ARHGEF10: variants seen among roughly 807,000 people sequenced by gnomAD.
ARHGEF10 encodes the protein Rho guanine nucleotide exchange factor 10, also known as Rho guanine nucleotide exchange factor (GEF) 10.
Under a neutral mutation model 147.4 loss-of-function variants are expected in ARHGEF10, and 140 were observed. The ratio of observed to expected loss-of-function variants is 0.95; its 90% CI spans 0.83 to 1.09. ARHGEF10 has a LOEUF of 1.09. Ranked by LOEUF, ARHGEF10 falls within the 50% of genes least tolerant of loss-of-function variation. ARHGEF10 has a pLI of 0.00. For synonymous variants in ARHGEF10, 902 were observed against 695.8 expected, an observed-to-expected ratio of 1.30 and a Z score of -4.67; for missense variants, 2,222 against 1,752.7, an observed-to-expected ratio of 1.27 and a Z score of -4.78.
At chr8:1,880,231 C>T (rs563429763) in intron 9 of ARHGEF10, 67 bp downstream of exon 9, 51 of 1,111,294 alleles carry the variant, frequency 4.6e-5, no homozygotes, top group East Asian at 7.1e-5. Context: ...CCGCGCGGCT[C>T]GGTCGGTCCT....
chr8:1,823,679 T>A (rs938458765), upstream of ARHGEF10, among the ~76,000 whole-genome samples: 2 of 149,344 alleles, frequency 1.3e-5, no homozygotes, highest in African/African-American at 5.0e-5. Flanking sequence ...CGGCCCGGGG[T>A]CCGCGGGGCA....
Position 1,928,581 on chromosome 8 carries a change from C to A in ARHGEF10, c.2852C>A (p.Pro951Gln). ...AAGCGCAGAGAGCCTGGGGCACCCCCGGACCCCGAGACCCCGGCCGTGAGA... is the reference window on the plus strand; with the variant it reads ...AAGCGCAGAGAGCCTGGGGCACCCCAGGACCCCGAGACCCCGGCCGTGAGA... ...EEKRREPGAP[P>Q]DPETPAVRAS... is the part of the protein sequence containing the mutation. Residue 951 changes from proline (P) to glutamine (Q), a missense_variant, in exon 24 of 29, where the codon CCG becomes CAG. By Grantham distance (76) the Pro-to-Gln change is moderately conservative. Coordinates refer to ENST00000349830, the MANE Select transcript of ARHGEF10 (RefSeq NM_014629.4). The A allele has an allele frequency of 6.2e-7, 1 of 1,614,228 alleles. No individual in the cohort carries two copies. The highest frequency in any genetic ancestry group is 1.1e-5 in the South Asian group (1 of 91,090).
chr8:1,895,504 C>A (rs959335895), intron 13 of ARHGEF10, among the ~76,000 whole-genome samples: 1 of 152,130 alleles, frequency 6.6e-6, no homozygotes, highest in Non-Finnish European at 1.5e-5. Context: ...AAGATATTTG[C>A]ATAATACCGT....
chr8:1,939,689 G>A (rs897776431), intron 26 of ARHGEF10, among the ~76,000 whole-genome samples: 2 of 152,354 alleles, frequency 1.3e-5, no homozygotes, highest in East Asian at 3.9e-4. Flanking sequence ...CCACCTCAGA[G>A]AGGGAGAGAT....
intron 19 of ARHGEF10, 45 bp downstream of exon 19, chr8:1,923,124 A>G (rs1812424939): frequency 7.4e-7 from 1 of 1,345,870 alleles, no homozygotes; most frequent in Admixed American, 1.7e-5. Flanking sequence ...CTTTACTTAT[A>G]AGTCATTGTA....
chr8:1,944,544 A>T (rs1381586649), intron 26 of ARHGEF10, among the ~76,000 whole-genome samples: 1 of 152,204 alleles, frequency 6.6e-6, no homozygotes, highest in East Asian at 1.9e-4. Context: ...AGTCTCCACC[A>T]TGGGGGCTGT....
At chr8:1,845,421 C>T (rs748416427) in intron 2 of ARHGEF10, among the ~76,000 whole-genome samples, 1 of 152,212 alleles carries the variant, frequency 6.6e-6, no homozygotes, top group Non-Finnish European at 1.5e-5. Context: ...CTCCTTCCCA[C>T]ACACATGTAA....
At chr8:1,859,031 C>T (rs969832516) in intron 3 of ARHGEF10, among the ~76,000 whole-genome samples, 12 of 150,940 alleles carry the variant, frequency 8.0e-5, no homozygotes, top group South Asian at 2.1e-4. Context: ...GTTGTTTGCC[C>T]GGTGTTTCTT....
At chr8:1,848,151 C>T (rs1367107771) in intron 2 of ARHGEF10, among the ~76,000 whole-genome samples, 5 of 152,346 alleles carry the variant, frequency 3.3e-5, no homozygotes, top group South Asian at 2.1e-4. Flanking sequence ...GTGTTCTATG[C>T]GTCTTCTTTT....
chr8:1,930,033 C>T (rs533493409), intron 25 of ARHGEF10, among the ~76,000 whole-genome samples: 4 of 152,310 alleles, frequency 2.6e-5, no homozygotes, highest in African/African-American at 9.6e-5. Flanking sequence ...TTTGCAGGCT[C>T]TTCCTGTGGA....
rs1046726401 is a variant in ARHGEF10, at chr8:1,882,534, A to G, written c.961-101A>G. ...AACTGCACGTGACACATGCGCTCAC[A>G]AGAACCAGACTACTTGACAGTATTC... On this transcript the variant is annotated intron_variant, in intron 9 of 28. Coordinates refer to ENST00000349830, the MANE Select transcript of ARHGEF10 (RefSeq NM_014629.4). 3.9e-6 allele frequency: 4 copies of G among 1,028,850 alleles called. No individual in the cohort carries two copies. In the African/African-American group the frequency reaches 6.3e-5, roughly 16 times the overall value. The allele number at this position is 1,028,850 out of a possible 1,614,324, so 63.7% of individuals were successfully genotyped here. A position where few individuals can be genotyped will look rare whatever the true frequency, so the allele number is the denominator to read the frequency against.
At chr8:1,903,567 A>G in intron 16 of ARHGEF10, 116 bp downstream of exon 16, 1 of 1,391,818 alleles carries the variant, frequency 7.2e-7, no homozygotes, top group Non-Finnish European at 9.9e-7. Flanking sequence ...CCCTTCGCCC[A>G]GAGTTCTTAA....
chr8:1,865,764 T>C (rs1806549621), intron 5 of ARHGEF10, among the ~76,000 whole-genome samples: 1 of 152,178 alleles, frequency 6.6e-6, no homozygotes. Flanking sequence ...TCCGAGGCCT[T>C]CCATACACGT....
chr8:1,956,031 T>C (rs772926387), intron 28 of ARHGEF10, among the ~76,000 whole-genome samples: 21 of 152,240 alleles, frequency 1.4e-4, no homozygotes, highest in Non-Finnish European at 2.8e-4. Flanking sequence ...GGCTGGGGCC[T>C]GTTTCATCTG....
In ARHGEF10 at chr8:1,918,460, CTGTGTGTGTGTGTGTG is replaced by C. The variant is rs60519090; in HGVS notation, c.2144-4474_2144-4459del. On this transcript the variant is annotated intron_variant, in intron 18 of 28. Transcript: ENST00000349830. ...CCCATGATAGGTTCACATTTGATGG[CTGTGTGTGTGTGTGTG>C]TGTGTGTGTGTGTGTGTGTGTGTGT... Among the ~76,000 whole-genome samples, 40 of 140,946 alleles carry C rather than the reference CTGTGTGTGTGTGTGTG, an allele frequency of 2.8e-4. 1 individual carries two copies. The highest frequency in any genetic ancestry group is 5.1e-4 in the African/African-American group (19 of 37,478). 92.5% of individuals were successfully genotyped at this position (140,946 alleles called of 152,430 possible).
At chr8:1,908,869 A>G (rs550739193) in intron 17 of ARHGEF10, among the ~76,000 whole-genome samples, 13 of 152,226 alleles carry the variant, frequency 8.5e-5, no homozygotes, top group Admixed American at 5.2e-4. Flanking sequence ...TGATTCTATT[A>G]AAGTGGTTAC....
At chr8:1,949,018 A>ATGTGTG (rs56097916) in intron 27 of ARHGEF10, among the ~76,000 whole-genome samples, 19 of 149,958 alleles carry the variant, frequency 1.3e-4, no homozygotes, top group Non-Finnish European at 2.1e-4. Context: ...ATGGGTTTTC[A>ATGTGTG]TGTGTGTGTG....
intron 18 of ARHGEF10, among the ~76,000 whole-genome samples, chr8:1,915,760 G>C (rs1389138265): frequency 6.6e-6 from 1 of 152,260 alleles, no homozygotes; most frequent in Non-Finnish European, 1.5e-5. Context: ...ACAGGAGGCA[G>C]GGAGAAGTGG....
At chr8:1,883,267 C>T (rs553185466) in intron 10 of ARHGEF10, among the ~76,000 whole-genome samples, 31 of 152,138 alleles carry the variant, frequency 2.0e-4, no homozygotes, top group African/African-American at 5.5e-4. Context: ...GTGTCGTGCA[C>T]GGCGGCAACA....
Sources: gnomAD v4.1 joint callset for allele counts (sites outside exome capture counted in the v4.1 genomes callset) on GRCh38, gnomAD v4.1.1 for gene constraint, MANE v1.5 for transcripts, NCBI Gene and HGNC (gene_info 2026-07-23, HGNC 2026-07-21) for gene names.